SMC5: variants seen among roughly 807,000 people sequenced by gnomAD.
SMC5 encodes structural maintenance of chromosomes 5, also known as structural maintenance of chromosomes protein 5.
A neutral mutation model predicts 148.3 loss-of-function variants in SMC5; 88 were observed. That is an observed-to-expected ratio of 0.59 (90% CI 0.50 to 0.71). The LOEUF (loss-of-function observed/expected upper bound fraction) is 0.71, where lower values mean the gene tolerates loss of function less well. Among genes scored for constraint, SMC5 ranks in the 30% least tolerant of loss-of-function variants. SMC5 has a pLI of 0.00. For missense variants in SMC5, 1,142 were observed against 1,298.9 expected (o/e 0.88, Z 1.86); for synonymous variants, 421 against 432.8 (o/e 0.97, Z 0.34).
chr9:70,318,300 A>G (rs1253944055), intron 13 of SMC5, among the ~76,000 whole-genome samples: 1 of 152,042 alleles, frequency 6.6e-6, no homozygotes, highest in Non-Finnish European at 1.5e-5. Flanking sequence ...AAGTGGAAGG[A>G]TCACTTGAGC....
At chr9:70,297,901 C>T in intron 8 of SMC5, 65 bp from the exon 9 acceptor site, 1 of 1,526,758 alleles carries the variant, frequency 6.5e-7, no homozygotes, top group Non-Finnish European at 8.8e-7. Flanking sequence ...AACTATATTA[C>T]TACAGAAGTC....
At chr9:70,306,701 G>T (rs1016595167) in intron 11 of SMC5, among the ~76,000 whole-genome samples, 12 of 152,248 alleles carry the variant, frequency 7.9e-5, no homozygotes, top group East Asian at 3.9e-4. Flanking sequence ...CTGCACTAAG[G>T]ATTTAAACCA....
intron 17 of SMC5, among the ~76,000 whole-genome samples, chr9:70,334,718 CT>C (rs2036315396): frequency 6.6e-6 from 1 of 152,018 alleles, no homozygotes; most frequent in Non-Finnish European, 1.5e-5. Context: ...TTGCTGACCC[CT>C]GATGGATGCT....
chr9:70,308,307 A>G (rs963364198), intron 11 of SMC5, among the ~76,000 whole-genome samples: 5 of 152,192 alleles, frequency 3.3e-5, no homozygotes, highest in Non-Finnish European at 7.4e-5. Flanking sequence ...AAAATAGTTT[A>G]AGAATTACTA....
chr9:70,350,020 TTACTC>T, intron 22 of SMC5, 89 bp from the exon 23 acceptor site: 1 of 806,408 alleles, frequency 1.2e-6, no homozygotes, highest in Non-Finnish European at 1.8e-6. Context: ...TTTGAGTTCT[TTACTC>T]TTACTCAGTT....
chr9:70,259,125 C>T lies in SMC5; in HGVS notation c.47C>T (p.Ser16Phe). The T allele has an allele frequency of 6.2e-7, 1 of 1,612,608 alleles. No individual in the cohort carries two copies. Among genetic ancestry groups the T allele is most frequent in the Non-Finnish European group, 8.5e-7 (1 of 1,179,294 alleles). The change falls in exon 1 of 25, where the codon TCC becomes TTC. Residue 16 changes from serine to phenylalanine, a missense_variant. Around this residue, in one of 5 missense-constraint regions of SMC5, gnomAD observed 297 missense variants for 302.6 expected, o/e 0.98. Coordinates refer to ENST00000361138, the MANE Select transcript of SMC5 (RefSeq NM_015110.4). ...ACGTCAACTCCAAGCCCCCAGCCTT[C>T]CAAGAGAGCTCTCCCGAGAGACCCT... is the stretch of plus-strand genomic sequence containing the variant. ...KKTSTPSPQP[S>F]KRALPRDPSS...
rs770898960 is a variant in SMC5 at position 70,298,231 on chromosome 9, A to T, written c.1309+10A>T. On this transcript the variant is annotated intron_variant, in intron 9 of 24. Transcript: ENST00000361138. ...GAGAAGGAGAAAAAGAGTAAGTTTC[A>T]TAAAGTTAGAATGAAATGTTTATAA... 5 of 1,604,362 alleles carry T rather than the reference A, an allele frequency of 3.1e-6. No individual in the cohort carries two copies. The Admixed American group carries it at 8.6e-5, about 28-fold the overall frequency.
chr9:70,277,317 G>A lies in SMC5; in HGVS notation c.388G>A (p.Ala130Thr), dbSNP rs1438375878. 6.4e-7 allele frequency: 1 copy of A among 1,556,600 alleles called. No individual in the cohort carries two copies. Among genetic ancestry groups the A allele is most frequent in the African/African-American group, 1.4e-5 (1 of 71,770 alleles). Residue 130 changes from alanine to threonine, a missense_variant, in exon 4 of 25, where the codon GCT (alanine) becomes ACT (threonine). Physicochemically the swap from Ala to Thr is moderately conservative, Grantham distance 58 (BLOSUM62 0). Around this residue, in one of 5 missense-constraint regions of SMC5, gnomAD observed 297 missense variants for 302.6 expected, o/e 0.98. Coordinates refer to ENST00000361138, the MANE Select transcript of SMC5 (RefSeq NM_015110.4). ...AAATTATTTTTTAATTAGGTTCAGG[G>A]CTTCTGGAAATCTTGTAATCACCCG... The part of the protein sequence containing the change: ...RGMVEIELFR[A>T]SGNLVITREI...
intron 13 of SMC5, among the ~76,000 whole-genome samples, chr9:70,316,687 A>G (rs912749935): frequency 3.3e-4 from 50 of 152,236 alleles, no homozygotes; most frequent in African/African-American, 1.1e-3. Context: ...AAGACAATAG[A>G]AAGGTTGATA....
intron 8 of SMC5, among the ~76,000 whole-genome samples, chr9:70,286,504 G>A (rs184564279): frequency 2.0e-4 from 31 of 152,208 alleles, no homozygotes; most frequent in African/African-American, 7.5e-4. Flanking sequence ...TAGCTGGGTG[G>A]CTGTAGTTTT....
intron 11 of SMC5, chr9:70,311,461 A>G (rs1420355537): frequency 6.6e-6 from 1 of 152,224 alleles, no homozygotes; most frequent in Non-Finnish European, 1.5e-5. Flanking sequence ...ACTAACATAT[A>G]CAACAATAAT....
chr9:70,307,857 T>C (rs2035548276), intron 11 of SMC5, among the ~76,000 whole-genome samples: 1 of 152,184 alleles, frequency 6.6e-6, no homozygotes, highest in African/African-American at 2.4e-5. Flanking sequence ...AGTGAGACCA[T>C]TTTCAGGTTG....
chr9:70,330,381 T>G (rs997498918), intron 17 of SMC5, among the ~76,000 whole-genome samples: 2 of 152,050 alleles, frequency 1.3e-5, no homozygotes, highest in Non-Finnish European at 2.9e-5. Flanking sequence ...TGAGAACCAC[T>G]GGTCTAAAAC....
intron 24 of SMC5, 36 bp downstream of exon 24, chr9:70,350,507 C>T (rs757402204): frequency 9.3e-6 from 13 of 1,402,416 alleles, no homozygotes; most frequent in Middle Eastern, 3.7e-4. Context: ...GTCATATACT[C>T]AGAAATCTCC....
Position 70,318,500 on chromosome 9 carries a change from G to A in SMC5, c.1807-14G>A. On this transcript the variant is annotated splice_polypyrimidine_tract_variant and intron_variant, in intron 13 of 24. Transcript: ENST00000361138. ...TTATATTAGATGTGCACTAATAGTT[G>A]TTTTACGTTATAGGTAATACAAGAA... The A allele has an allele frequency of 6.4e-6, 10 of 1,551,070 alleles. No homozygotes were observed. Among genetic ancestry groups the A allele is most frequent in the Non-Finnish European group, 7.8e-6 (9 of 1,148,582 alleles).
At chr9:70,290,409 G>A (rs2035026674) in intron 8 of SMC5, among the ~76,000 whole-genome samples, 1 of 152,136 alleles carries the variant, frequency 6.6e-6, no homozygotes, top group Admixed American at 6.5e-5. Context: ...AGACATTCCT[G>A]TCACTCAGAA....
chr9:70,316,614 C>CT (rs745491357), intron 13 of SMC5, among the ~76,000 whole-genome samples: 50 of 152,086 alleles, frequency 3.3e-4, no homozygotes, highest in Admixed American at 5.9e-4. Context: ...TTTGTCAAAG[C>CT]TTTAGGGGTA....
intron 11 of SMC5, 116 bp downstream of exon 11, chr9:70,305,476 T>C: frequency 3.2e-6 from 2 of 630,960 alleles, no homozygotes; most frequent in South Asian, 2.0e-5. Flanking sequence ...TTCACTCTCA[T>C]GCAAAATCAC....
chr9:70,334,724 G>A (rs571427122), intron 17 of SMC5, among the ~76,000 whole-genome samples: 1 of 152,058 alleles, frequency 6.6e-6, no homozygotes, highest in African/African-American at 2.4e-5. Context: ...ACCCCTGATG[G>A]ATGCTATAAA....
Sources: gnomAD v4.1 joint callset for allele counts (sites outside exome capture counted in the v4.1 genomes callset) on GRCh38, gnomAD v4.1.1 for gene constraint, gnomAD v4.1.1 regional missense constraint, MANE v1.5 for transcripts, NCBI Gene and HGNC (gene_info 2026-07-23, HGNC 2026-07-21) for gene names.